WDR27: variants seen among roughly 807,000 people sequenced by gnomAD.
The protein encoded by WDR27 is WD repeat domain 27.
WDR27 carries 100 observed loss-of-function variants against 114.4 expected under a neutral mutation model. The ratio of observed to expected loss-of-function variants is 0.87; its 90% CI spans 0.74 to 1.03. WDR27 has a LOEUF of 1.03. Among genes scored for constraint, WDR27 ranks in the 50% least tolerant of loss-of-function variants. WDR27 has a pLI of 0.00. For missense variants in WDR27, 1,129 were observed against 1,092.9 expected, an observed-to-expected ratio of 1.03 and a Z score of -0.47; for synonymous variants, 449 against 423.1, an observed-to-expected ratio of 1.06 and a Z score of -0.75.
At chr6:169,448,390 C>CT in the WDR27 span, among the ~76,000 whole-genome samples, 1 of 80,278 alleles carries the variant, frequency 1.2e-5, no homozygotes, top group African/African-American at 5.2e-5. Flanking sequence ...GTCTCTGTCT[C>CT]TATGTGTGTG....
chr6:169,442,870 A>C, the WDR27 span, among the ~76,000 whole-genome samples: 1 of 152,020 alleles, frequency 6.6e-6, no homozygotes, highest in Non-Finnish European at 1.5e-5. Context: ...GCAGGCCACC[A>C]CCACCCCCAC....
chr6:169,497,305 C>T (rs145992139), intron 25 of WDR27, among the ~76,000 whole-genome samples: 8 of 152,002 alleles, frequency 5.3e-5, no homozygotes, highest in African/African-American at 1.7e-4. Context: ...AGACTGAAAA[C>T]AATAAAACTC....
chr6:169,623,674 C>T (rs1048469788), intron 21 of WDR27, among the ~76,000 whole-genome samples: 2 of 152,158 alleles, frequency 1.3e-5, no homozygotes, highest in Non-Finnish European at 2.9e-5. Flanking sequence ...TATTCTGAAC[C>T]GTTTAGAAGA....
chr6:169,437,931 C>T, the WDR27 span, among the ~76,000 whole-genome samples: 3 of 151,786 alleles, frequency 2.0e-5, no homozygotes, highest in African/African-American at 4.8e-5. Context: ...TTAGATTCAG[C>T]GGGTATATGT....
At chr6:169,611,746 G>A (rs933575206) in intron 22 of WDR27, among the ~76,000 whole-genome samples, 11 of 152,030 alleles carry the variant, frequency 7.2e-5, no homozygotes, top group African/African-American at 2.4e-4. Context: ...GCATGGAGTC[G>A]GGATCATCAA....
At position 169,660,694 on chromosome 6, in the gene WDR27, G is replaced by A; in HGVS notation, c.1098C>T (p.Asn366=). ...SVGLFVFNLA[N]LEVEAALYYK... ...AATACAAAGCAGCTTCCACTTCCAG[G>A]TTTGCCAGGTTAAATACGAATAAGC... Residue 366 remains asparagine, a synonymous_variant, in exon 10 of 26, where the codon AAC becomes AAT. Coordinates refer to ENST00000448612, the MANE Select transcript of WDR27 (RefSeq NM_182552.5). 1 of 1,613,916 alleles carries A rather than the reference G, an allele frequency of 6.2e-7. No individual in the cohort carries two copies.
chr6:169,665,167 G>A lies in WDR27; in HGVS notation c.783+319C>T, dbSNP rs888943060. 2.7e-5 allele frequency: 29 copies of A among 1,076,698 alleles called. 1 individual carries two copies. The highest frequency in any genetic ancestry group is 5.0e-5 in the African/African-American group (3 of 60,000). The allele number at this position is 1,076,698 out of a possible 1,614,324, so 66.7% of individuals were successfully genotyped here. ...GGGCGCGGGCAGCACCCGTGGGAGCGGGGGACGTCTGCTCACAGCCCTCTT... is the reference window on the plus strand; with the variant it reads ...GGGCGCGGGCAGCACCCGTGGGAGCAGGGGACGTCTGCTCACAGCCCTCTT... On this transcript the variant is annotated intron_variant, in intron 7 of 25. Transcript: ENST00000448612.
chr6:169,667,135 C>G lies in WDR27; in HGVS notation c.712+1G>C, dbSNP rs751262764. 42 of 1,517,530 alleles carry G rather than the reference C, an allele frequency of 2.8e-5. No individual in the cohort carries two copies. The highest frequency in any genetic ancestry group is 3.3e-5 in the Non-Finnish European group (38 of 1,135,294). 94.0% of individuals were successfully genotyped at this position (1,517,530 alleles called of 1,614,324 possible). ...AGAAAACATGAAAGTTTTAAATTTA[C>G]CTGATAACACAGATGAACTGTATAT... On this transcript the variant is annotated splice_donor_variant, in intron 6 of 25. Transcript: ENST00000448612. LOFTEE classifies it high-confidence loss of function.
chr6:169,670,130 C>A (rs187574301), intron 4 of WDR27: 1 of 157,350 alleles, frequency 6.4e-6, no homozygotes, highest in Non-Finnish European at 1.4e-5. Flanking sequence ...CTGTTCTAGT[C>A]ACACACGAGG....
At chr6:169,660,279 T>A (rs1354294229) in intron 10 of WDR27, among the ~76,000 whole-genome samples, 1 of 150,192 alleles carries the variant, frequency 6.7e-6, no homozygotes, top group African/African-American at 2.4e-5. Context: ...TGGAGAGGAG[T>A]GCGCCTCGGC....
chr6:169,494,823 T>G (rs1790197492), intron 25 of WDR27, among the ~76,000 whole-genome samples: 1 of 152,198 alleles, frequency 6.6e-6, no homozygotes, highest in Non-Finnish European at 1.5e-5. Flanking sequence ...TGTGGAATAT[T>G]TTGTCTCAAG....
At chr6:169,471,836 G>A (rs541369395) in intron 25 of WDR27, among the ~76,000 whole-genome samples, 1 of 152,302 alleles carries the variant, frequency 6.6e-6, no homozygotes, top group Admixed American at 6.5e-5. Context: ...AGGTTGGGAA[G>A]TCCAAGATCA....
At chr6:169,599,486 T>A (rs891943029) in intron 23 of WDR27, among the ~76,000 whole-genome samples, 2 of 152,212 alleles carry the variant, frequency 1.3e-5, no homozygotes, top group African/African-American at 4.8e-5. Flanking sequence ...GGTTTAGTCT[T>A]GGGAGAGTGT....
In WDR27 at chr6:169,615,423, T is replaced by C. The variant is rs533884818; in HGVS notation, c.2224-1767A>G. 1.5e-4 allele frequency among the ~76,000 whole-genome samples: 23 copies of C among 152,278 alleles called. No homozygotes were observed. The South Asian group carries it at 4.8e-3, about 32-fold the overall frequency. ...CCCCAGTGTCTGTGGTTCTCTTCTT[T>C]GTGTTCATGAGTTCTCATCATGTAG... On this transcript the variant is annotated intron_variant, in intron 21 of 25. Coordinates refer to ENST00000448612, the MANE Select transcript of WDR27 (RefSeq NM_182552.5).
intron 19 of WDR27, 87 bp downstream of exon 19, chr6:169,636,284 T>C (rs1817642951): frequency 1.3e-6 from 2 of 1,499,318 alleles, no homozygotes; most frequent in Non-Finnish European, 1.8e-6. Context: ...TGGGGCAACA[T>C]TTTAAAATGT....
chr6:169,584,303 A>C (rs530456597), intron 23 of WDR27, among the ~76,000 whole-genome samples: 1 of 152,124 alleles, frequency 6.6e-6, no homozygotes, highest in East Asian at 1.9e-4. Flanking sequence ...CTCCTATATC[A>C]TATTTTTTAT....
At chr6:169,633,352 G>A (rs1349447491) in intron 20 of WDR27, among the ~76,000 whole-genome samples, 1 of 152,176 alleles carries the variant, frequency 6.6e-6, no homozygotes, top group Non-Finnish European at 1.5e-5. Flanking sequence ...TCCAGCTTTA[G>A]ATACGTGGTG....
At chr6:169,481,524 T>G (rs1289122804) in intron 25 of WDR27, among the ~76,000 whole-genome samples, 1 of 152,078 alleles carries the variant, frequency 6.6e-6, no homozygotes, top group African/African-American at 2.4e-5. Context: ...ACTCTTCGGG[T>G]TCGTGGCGCC....
At chr6:169,648,991 A>T (rs959565343) in intron 15 of WDR27, among the ~76,000 whole-genome samples, 1 of 152,294 alleles carries the variant, frequency 6.6e-6, no homozygotes, top group Non-Finnish European at 1.5e-5. Flanking sequence ...TAAGGTGGTA[A>T]GAACAGACCA....
Sources: allele counts gnomAD v4.1 joint callset (sites outside exome capture counted in the v4.1 genomes callset), GRCh38; gene constraint gnomAD v4.1.1; transcripts MANE v1.5; gene names NCBI Gene and HGNC (gene_info 2026-07-23, HGNC 2026-07-21).